ADAM32: variants seen among roughly 807,000 people sequenced by gnomAD.
ADAM32 encodes disintegrin and metalloproteinase domain-containing protein 32.
ADAM32 carries 89 observed loss-of-function variants against 114.9 expected under a neutral mutation model. That is an observed-to-expected ratio of 0.77 (90% confidence interval 0.65 to 0.92). The LOEUF (loss-of-function observed/expected upper bound fraction) is 0.92. Ranked by LOEUF, ADAM32 falls within the 40% of genes least tolerant of loss-of-function variation. ADAM32 has a pLI of 0.00. For missense variants in ADAM32, 870 were observed against 932.8 expected (o/e 0.93, Z 0.88); for synonymous variants, 285 against 307.5 (o/e 0.93, Z 0.77).
At chr8:39,254,925 AT>A (rs1811549146) in intron 18 of ADAM32, among the ~76,000 whole-genome samples, 1 of 151,786 alleles carries the variant, frequency 6.6e-6, no homozygotes, top group South Asian at 2.1e-4. Flanking sequence ...TTGTGTCCTC[AT>A]AGCTTAGCTC....
chr8:39,187,193 GTA>G lies in ADAM32; in HGVS notation c.1052+151_1052+152del, dbSNP rs1273565571. On this transcript the variant is annotated intron_variant, in intron 11 of 24. Coordinates refer to ENST00000379907, the MANE Select transcript of ADAM32 (RefSeq NM_145004.7). ...ACATGTAATTTTAAATGTAAAAGTA[GTA>G]TAAAGTATAAACTAAAGATAATCAA... The G allele has an allele frequency of 7.4e-6, 5 of 679,458 alleles. No individual in the cohort carries two copies. The Admixed American group carries it at 1.4e-4, about 18-fold the overall frequency. 42.1% of individuals were successfully genotyped at this position (679,458 alleles called of 1,614,324 possible). A position where few individuals can be genotyped will look rare whatever the true frequency, so the allele number is the denominator to read the frequency against.
At chr8:39,169,483 A>T (rs1315288541) in intron 9 of ADAM32, 1 of 153,694 alleles carries the variant, frequency 6.5e-6, no homozygotes, top group African/African-American at 2.4e-5. Flanking sequence ...TCAAGGCTGA[A>T]ATAATAATGT....
At chr8:39,139,272 T>C (rs1422557888) in intron 3 of ADAM32, among the ~76,000 whole-genome samples, 1 of 152,190 alleles carries the variant, frequency 6.6e-6, no homozygotes, top group African/African-American at 2.4e-5. Flanking sequence ...CTGAATGGTA[T>C]TGCCTAGGTT....
rs1287725440 is a variant in ADAM32, at chr8:39,223,258, T to C, written c.1525+20T>C. ...GAAAAGGTAATATCTTTTTGTTACATCTCAATAGCCCTTAACATTGTTATT... is the reference window on the plus strand; with the variant it reads ...GAAAAGGTAATATCTTTTTGTTACACCTCAATAGCCCTTAACATTGTTATT... On this transcript the variant is annotated intron_variant, in intron 14 of 24. Coordinates refer to ENST00000379907, the MANE Select transcript of ADAM32 (RefSeq NM_145004.7). 1.3e-6 allele frequency: 2 copies of C among 1,512,264 alleles called. No homozygotes were observed. The highest frequency in any genetic ancestry group is 1.8e-6 in the Non-Finnish European group (2 of 1,122,148). The allele number at this position is 1,512,264 out of a possible 1,614,324, so 93.7% of individuals were successfully genotyped here. A position where few individuals can be genotyped will look rare whatever the true frequency, so the allele number is the denominator to read the frequency against.
At chr8:39,249,204 T>A (rs1247592399) in intron 17 of ADAM32, among the ~76,000 whole-genome samples, 1 of 152,118 alleles carries the variant, frequency 6.6e-6, no homozygotes, top group East Asian at 1.9e-4. Context: ...GTGCCAGGCC[T>A]GAGTGTTGGC....
intron 11 of ADAM32, among the ~76,000 whole-genome samples, chr8:39,202,966 T>C (rs1585529095): frequency 6.6e-6 from 1 of 152,248 alleles, no homozygotes. Context: ...TAATCCTGAG[T>C]TCTAGTTTGA....
intron 10 of ADAM32, 82 bp downstream of exon 10, chr8:39,170,079 A>G (rs1805096911): frequency 2.8e-6 from 3 of 1,063,852 alleles, no homozygotes; most frequent in South Asian, 4.0e-5. Flanking sequence ...TGTACAATTT[A>G]TGTGCATGTT....
intron 19 of ADAM32, among the ~76,000 whole-genome samples, chr8:39,260,577 A>G (rs1025864100): frequency 2.6e-5 from 4 of 152,148 alleles, no homozygotes; most frequent in Non-Finnish European, 5.9e-5. Flanking sequence ...ATTTTCAACC[A>G]TCCTTGCATC....
intron 17 of ADAM32, among the ~76,000 whole-genome samples, chr8:39,253,631 G>A (rs528476966): frequency 2.1e-4 from 32 of 151,228 alleles, no homozygotes; most frequent in Non-Finnish European, 4.1e-4. Context: ...AAAAACAGAC[G>A]GTCAGGAAAG....
chr8:39,233,253 G>A (rs891825780), intron 15 of ADAM32, among the ~76,000 whole-genome samples: 2 of 152,160 alleles, frequency 1.3e-5, no homozygotes, highest in Admixed American at 6.5e-5. Context: ...TACACTTATT[G>A]TTACTTCTTT....
At chr8:39,197,324 T>A (rs1807077134) in intron 11 of ADAM32, among the ~76,000 whole-genome samples, 3 of 152,028 alleles carry the variant, frequency 2.0e-5, no homozygotes, top group Non-Finnish European at 4.4e-5. Context: ...TTAGGTTCTA[T>A]TTCATTTATT....
chr8:39,182,606 T>C (rs1805976670), intron 10 of ADAM32, among the ~76,000 whole-genome samples: 1 of 152,234 alleles, frequency 6.6e-6, no homozygotes, highest in South Asian at 2.1e-4. Context: ...AGCGGTACAA[T>C]AGAACTCCTG....
At chr8:39,262,204 GTT>G (rs763295041) in intron 19 of ADAM32, among the ~76,000 whole-genome samples, 11 of 143,236 alleles carry the variant, frequency 7.7e-5, no homozygotes, top group African/African-American at 2.5e-4. Context: ...TCCGTTATGA[GTT>G]TTTTTTTTTT....
intron 2 of ADAM32, among the ~76,000 whole-genome samples, chr8:39,126,716 G>A (rs1802140224): frequency 1.3e-5 from 2 of 152,144 alleles, no homozygotes; most frequent in Non-Finnish European, 2.9e-5. Flanking sequence ...GTATTGAATA[G>A]GAGTGAGACA....
chr8:39,202,151 T>C lies in ADAM32; in HGVS notation c.1053-8993T>C, dbSNP rs529998527. 4.6e-5 allele frequency among the ~76,000 whole-genome samples: 7 copies of C among 152,364 alleles called. No homozygotes were observed. The South Asian group carries it at 1.4e-3, about 32-fold the overall frequency. On this transcript the variant is annotated intron_variant, in intron 11 of 24. Transcript: ENST00000379907. ...ACGATGCTGGCCTCATAAAATGAGT[T>C]AGGGAGGATACCCTCTTTTTCTATT...
intron 1 of ADAM32, among the ~76,000 whole-genome samples, chr8:39,110,164 G>A (rs1840100916): frequency 2.0e-5 from 3 of 152,110 alleles, no homozygotes; most frequent in Non-Finnish European, 2.9e-5. Context: ...CCGCCTCCCG[G>A]TTCAAGCAAT....
At chr8:39,120,390 A>G (rs1381168638) in intron 2 of ADAM32, among the ~76,000 whole-genome samples, 1 of 152,210 alleles carries the variant, frequency 6.6e-6, no homozygotes, top group Non-Finnish European at 1.5e-5. Flanking sequence ...GAAAAGACTT[A>G]TAGAGAAAGC....
intron 14 of ADAM32, among the ~76,000 whole-genome samples, chr8:39,229,039 G>C (rs1360722312): frequency 2.0e-5 from 3 of 152,110 alleles, no homozygotes; most frequent in Non-Finnish European, 4.4e-5. Flanking sequence ...AGCTTCCTCA[G>C]ACAAAACAAT....
At chr8:39,212,643 T>C (rs1808306782) in intron 12 of ADAM32, among the ~76,000 whole-genome samples, 1 of 152,218 alleles carries the variant, frequency 6.6e-6, no homozygotes, top group Admixed American at 6.5e-5. Context: ...CATATCACAA[T>C]AGTTTCTCCC....
Sources: allele counts gnomAD v4.1 joint callset (sites outside exome capture counted in the v4.1 genomes callset), GRCh38; gene constraint gnomAD v4.1.1; transcripts MANE v1.5; gene names NCBI Gene and HGNC (gene_info 2026-07-23, HGNC 2026-07-21).